The following OPN3 variants were observed in gnomAD, a reference collection of about 807,000 sequenced individuals.
The protein encoded by OPN3 is opsin-3.
A neutral mutation model predicts 33.8 loss-of-function variants in OPN3; 29 were observed. The observed-to-expected ratio is 0.86, with a 90% CI of 0.64 to 1.17. OPN3 has a LOEUF of 1.17. Ranked by LOEUF, OPN3 falls within the 50% of genes most tolerant of loss-of-function variation. The probability of loss-of-function intolerance (pLI) is 0.00; values close to 1 mark genes in which losing one functional copy is unlikely to be tolerated. For synonymous variants in OPN3, 216 were observed against 216.1 expected, an observed-to-expected ratio of 1.00 and a Z score of 0.00; for missense variants, 437 against 514.1, an observed-to-expected ratio of 0.85 and a Z score of 1.45.
intron 1 of OPN3, chr1:241,634,415 T>G (rs550461531): frequency 6.2e-7 from 1 of 1,613,904 alleles, no homozygotes; most frequent in African/African-American, 1.3e-5. Flanking sequence ...GATCTGCTTA[T>G]ACTGCACATT....
At chr1:241,620,660 C>T (rs1664249889) in intron 1 of OPN3, among the ~76,000 whole-genome samples, 1 of 152,148 alleles carries the variant, frequency 6.6e-6, no homozygotes, top group Admixed American at 6.5e-5. Flanking sequence ...TTTGTTATAG[C>T]AGCTTGAACT....
intron 1 of OPN3, chr1:241,633,757 T>G (rs775034492): frequency 1.2e-6 from 2 of 1,605,282 alleles, no homozygotes; most frequent in African/African-American, 1.3e-5. Flanking sequence ...TCTGATGCCA[T>G]GAAGGAGGTC....
intron 3 of OPN3, chr1:241,595,753 C>T (rs1036661133): frequency 1.3e-4 from 20 of 152,062 alleles, no homozygotes; most frequent in Non-Finnish European, 2.6e-4. Context: ...TCAGTTTATA[C>T]TCACATTTAA....
chr1:241,634,883 CTCTTT>C (rs756793578), intron 1 of OPN3: 1 of 1,609,562 alleles, frequency 6.2e-7, no homozygotes. Flanking sequence ...CATTAGCATC[CTCTTT>C]TCAACCATGG....
intron 1 of OPN3, among the ~76,000 whole-genome samples, chr1:241,625,773 C>G (rs1166962973): frequency 6.6e-6 from 1 of 152,156 alleles, no homozygotes; most frequent in Non-Finnish European, 1.5e-5. Flanking sequence ...AGAAAGCAGA[C>G]TCCTTATGAA....
At chr1:241,635,718 C>T (rs1391505547) in intron 1 of OPN3, 3 of 1,613,840 alleles carry the variant, frequency 1.9e-6, no homozygotes, top group African/African-American at 1.3e-5. Flanking sequence ...TCGGGCAAAC[C>T]TGTCCCTATT....
At chr1:241,601,263 A>G (rs1206802491) in intron 2 of OPN3, 1 of 152,156 alleles carries the variant, frequency 6.6e-6, no homozygotes, top group Non-Finnish European at 1.5e-5. Context: ...AAGACAGTGG[A>G]ACTTCTGAAG....
intron 1 of OPN3, among the ~76,000 whole-genome samples, chr1:241,614,729 T>C (rs1384602002): frequency 6.6e-6 from 1 of 152,278 alleles, no homozygotes; most frequent in Non-Finnish European, 1.5e-5. Context: ...TAGGCTTTTC[T>C]GCCTACAGTC....
At chr1:241,634,259 T>C in intron 1 of OPN3, 1 of 1,614,004 alleles carries the variant, frequency 6.2e-7, no homozygotes, top group Non-Finnish European at 8.5e-7. Context: ...ATAGGTGTCC[T>C]TCATGCATGT....
chr1:241,597,614 C>T (rs912714243), intron 3 of OPN3, 132 bp downstream of exon 3: 9 of 777,524 alleles, frequency 1.2e-5, no homozygotes, highest in Non-Finnish European at 1.7e-5. Flanking sequence ...TCTTCCAGAT[C>T]CCTTTAATTC....
intron 1 of OPN3, among the ~76,000 whole-genome samples, chr1:241,605,768 C>T (rs1174897001): frequency 2.5e-4 from 38 of 152,136 alleles, no homozygotes; most frequent in Admixed American, 1.3e-4. Context: ...AGCATGGAGA[C>T]GTAAAAGGAC....
intron 1 of OPN3, chr1:241,629,856 C>T (rs1249057951): frequency 2.6e-5 from 4 of 152,044 alleles, no homozygotes; most frequent in Non-Finnish European, 4.4e-5. Flanking sequence ...CTTGGCACCA[C>T]AGAATATTCA....
rs1553354045 is a variant in OPN3 at position 241,605,071 on chromosome 1, A to AAAT, written c.374-493_374-492insATT. The stretch of plus-strand genomic sequence containing the variant: ...ACCTTATCTCAAAAAAAAAAAAAAT[A>AAAT]AAATAAAATAAAATGGAAAATGCCA... On this transcript the variant is annotated intron_variant, in intron 1 of 3. Transcript: ENST00000366554. 6.7e-4 allele frequency among the ~76,000 whole-genome samples: 94 copies of AAAT among 140,838 alleles called. 1 individual carries two copies. Among genetic ancestry groups the AAAT allele is most frequent in the Non-Finnish European group, 1.2e-3 (79 of 63,208 alleles). The allele number at this position is 140,838 out of a possible 152,430, so 92.4% of individuals were successfully genotyped here.
intron 3 of OPN3, among the ~76,000 whole-genome samples, chr1:241,596,506 G>A (rs1355335844): frequency 6.6e-6 from 1 of 152,134 alleles, no homozygotes; most frequent in Non-Finnish European, 1.5e-5. Flanking sequence ...TATGGAGAGT[G>A]TAAGCCAATA....
At chr1:241,625,819 T>C (rs887061082) in intron 1 of OPN3, among the ~76,000 whole-genome samples, 1 of 152,214 alleles carries the variant, frequency 6.6e-6, no homozygotes, top group Non-Finnish European at 1.5e-5. Context: ...TTTTCTCAAC[T>C]TGGCGCTTAT....
chr1:241,639,728 A>C (rs947727420), intron 1 of OPN3, among the ~76,000 whole-genome samples, 154 bp downstream of exon 1: 1 of 117,020 alleles, frequency 8.5e-6, no homozygotes, highest in Non-Finnish European at 1.7e-5. Flanking sequence ...AGCGTTGAGG[A>C]GGCGAGCGGG....
intron 1 of OPN3, among the ~76,000 whole-genome samples, chr1:241,611,741 A>G (rs1377468996): frequency 6.6e-6 from 1 of 152,188 alleles, no homozygotes; most frequent in East Asian, 1.9e-4. Context: ...GGCTCTGAGG[A>G]GCCATTAAGC....
chr1:241,614,983 C>G (rs1171619366), intron 1 of OPN3, among the ~76,000 whole-genome samples: 2 of 152,332 alleles, frequency 1.3e-5, no homozygotes, highest in South Asian at 2.1e-4. Flanking sequence ...CTCATTAGAA[C>G]TTTTTCCACA....
At chr1:241,634,256 TC>T (rs777320912) in intron 1 of OPN3, 1 of 1,613,934 alleles carries the variant, frequency 6.2e-7, no homozygotes, top group East Asian at 2.2e-5. Flanking sequence ...CAGATAGGTG[TC>T]CTTCATGCAT....
Sources: gnomAD v4.1 joint callset for allele counts (sites outside exome capture counted in the v4.1 genomes callset) on GRCh38, gnomAD v4.1.1 for gene constraint, MANE v1.5 for transcripts, NCBI Gene and HGNC (gene_info 2026-07-23, HGNC 2026-07-21) for gene names.